PRELID2: variants seen among roughly 807,000 people sequenced by gnomAD.
The protein encoded by PRELID2 is PRELI domain containing 2, also known as PRELI domain-containing protein 2.
In PRELID2, 25 loss-of-function variants were observed where a neutral mutation model predicts 28.4. The observed-to-expected ratio is 0.88, with a 90% confidence interval of 0.64 to 1.23. The LOEUF (loss-of-function observed/expected upper bound fraction) is 1.23. PRELID2 is among the 50% of genes most tolerant of loss of function. The pLI is 0.00. For synonymous variants in PRELID2, 76 were observed against 71.6 expected (o/e 1.06, Z -0.31); for missense variants, 201 against 214.4 (o/e 0.94, Z 0.39).
chr5:145,677,124 T>C (rs1754834284), intron 1 of PRELID2, among the ~76,000 whole-genome samples: 1 of 151,370 alleles, frequency 6.6e-6, no homozygotes. Flanking sequence ...TGAGATTATG[T>C]TTTTTATGTT....
At chr5:145,280,657 T>C in the PRELID2 span, among the ~76,000 whole-genome samples, 1 of 151,640 alleles carries the variant, frequency 6.6e-6, no homozygotes, top group African/African-American at 2.4e-5. Flanking sequence ...ATAATAATAA[T>C]AAAATATAAT....
chr5:145,741,857 TAA>T (rs1756797690), intron 1 of PRELID2, among the ~76,000 whole-genome samples: 1 of 29,664 alleles, frequency 3.4e-5, no homozygotes, highest in African/African-American at 1.0e-4. Flanking sequence ...AACATTTTTA[TAA>T]TTTAATTTAA....
chr5:145,357,622 AT>A, the PRELID2 span, among the ~76,000 whole-genome samples: 1 of 152,212 alleles, frequency 6.6e-6, no homozygotes, highest in Admixed American at 6.5e-5. Context: ...TAAAACAGCC[AT>A]TTCATCTTTT....
chr5:145,310,576 C>T, the PRELID2 span, among the ~76,000 whole-genome samples: 1 of 152,106 alleles, frequency 6.6e-6, no homozygotes, highest in East Asian at 1.9e-4. Context: ...CTCAAACTAC[C>T]TTTTTAGTTC....
the PRELID2 span, among the ~76,000 whole-genome samples, chr5:145,423,259 T>G: frequency 2.0e-5 from 3 of 149,320 alleles, no homozygotes; most frequent in African/African-American, 7.4e-5. Flanking sequence ...GTTCTCTGTA[T>G]TTCCTGAATC....
chr5:145,425,019 T>G, the PRELID2 span, among the ~76,000 whole-genome samples: 1 of 151,728 alleles, frequency 6.6e-6, no homozygotes, highest in Non-Finnish European at 1.5e-5. Context: ...TCTATCCATT[T>G]AACAAAAATC....
intron 1 of PRELID2, among the ~76,000 whole-genome samples, chr5:145,715,904 C>A (rs371736013): frequency 6.6e-6 from 1 of 152,200 alleles, no homozygotes; most frequent in South Asian, 2.1e-4. Flanking sequence ...TGGCAAGTAT[C>A]ATTATCTATT....
At chr5:145,648,434 C>G (rs973394025) in intron 1 of PRELID2, among the ~76,000 whole-genome samples, 1 of 151,606 alleles carries the variant, frequency 6.6e-6, no homozygotes, top group African/African-American at 2.4e-5. Context: ...AATAAAATAA[C>G]AAAACTTTAT....
At chr5:145,832,711 G>A (rs529164160) in intron 1 of PRELID2, among the ~76,000 whole-genome samples, 1 of 152,068 alleles carries the variant, frequency 6.6e-6, no homozygotes, top group African/African-American at 2.4e-5. Flanking sequence ...TACTTCCTGA[G>A]GGTGCTGGCA....
chr5:145,831,354 G>C (rs905022328), intron 1 of PRELID2, among the ~76,000 whole-genome samples: 10 of 152,142 alleles, frequency 6.6e-5, no homozygotes, highest in African/African-American at 2.4e-4. Context: ...TGCATAAATA[G>C]TCTCATTTGC....
intron 1 of PRELID2, among the ~76,000 whole-genome samples, chr5:145,605,353 G>C (rs889960240): frequency 6.6e-6 from 1 of 151,956 alleles, no homozygotes; most frequent in Non-Finnish European, 1.5e-5. Context: ...TTTTGTATAC[G>C]GTGTAAGGAA....
chr5:145,795,342 G>C (rs1224123629), intron 5 of PRELID2: 1 of 152,150 alleles, frequency 6.6e-6, no homozygotes, highest in Non-Finnish European at 1.5e-5. Flanking sequence ...GGTTTAAAGA[G>C]GCTGGACCAG....
rs57352537 is a variant in PRELID2, at chr5:145,832,513, A to G, written c.75+2664T>C. Among the ~76,000 whole-genome samples, 561 of 152,136 alleles carry G rather than the reference A, an allele frequency of 3.7e-3. 5 individuals are homozygous for G. Among genetic ancestry groups the G allele is most frequent in the African/African-American group, 0.013 (551 of 41,502 alleles). ...AAAGTTGATTCTGAAACCCTGTATT[A>G]CCTCAATAATCGTTGAAGTGCCTAT... On this transcript the variant is annotated intron_variant, in intron 1 of 6. Transcript: ENST00000683046.
chr5:145,497,327 G>T (rs1483772436), intron 1 of PRELID2, among the ~76,000 whole-genome samples: 1 of 152,050 alleles, frequency 6.6e-6, no homozygotes. Context: ...AATCCTCATA[G>T]TAGGAAAAAA....
At chr5:145,738,762 T>C (rs1028566367) in intron 1 of PRELID2, among the ~76,000 whole-genome samples, 2 of 152,070 alleles carry the variant, frequency 1.3e-5, no homozygotes, top group African/African-American at 4.8e-5. Flanking sequence ...GCTCTTTGAG[T>C]GAGTACTCAA....
rs577597840 is a variant in PRELID2 at position 145,501,598 on chromosome 5, C to T, written n.71-28283G>A. Among the ~76,000 whole-genome samples the T allele has an allele frequency of 4.3e-4, 65 of 152,298 alleles. 1 individual carries two copies. Among genetic ancestry groups the T allele is most frequent in the Non-Finnish European group, 1.6e-4 (11 of 68,012 alleles). On this transcript the variant is annotated intron_variant and non_coding_transcript_variant, in intron 1 of 2. Transcript: ENST00000510259. ...TTCACTTGGTTCTCATTCTCTCTTGCTGCCTCCAGGTATGAAATATCTTTT... is the reference window on the plus strand; with the variant it reads ...TTCACTTGGTTCTCATTCTCTCTTGTTGCCTCCAGGTATGAAATATCTTTT...
At chr5:145,742,571 C>T (rs1756865321) in intron 1 of PRELID2, among the ~76,000 whole-genome samples, 1 of 145,836 alleles carries the variant, frequency 6.9e-6, no homozygotes, top group South Asian at 2.1e-4. Flanking sequence ...AGAAAACATA[C>T]CATATCATAA....
intron 1 of PRELID2, among the ~76,000 whole-genome samples, chr5:145,592,276 GT>G (rs1753241082): frequency 6.6e-6 from 1 of 152,040 alleles, no homozygotes; most frequent in African/African-American, 2.4e-5. Flanking sequence ...TTAGCTGGGC[GT>G]GGTGGTGGTG....
At chr5:145,751,683 CAAAAG>C (rs1683523150), downstream of PRELID2, among the ~76,000 whole-genome samples, 1 of 152,068 alleles carries the variant, frequency 6.6e-6, no homozygotes. Flanking sequence ...ATTAATGCTC[CAAAAG>C]AAGAGTTTTT....
Sources: allele counts gnomAD v4.1 joint callset (sites outside exome capture counted in the v4.1 genomes callset), GRCh38; gene constraint gnomAD v4.1.1; transcripts MANE v1.5; gene names NCBI Gene and HGNC (gene_info 2026-07-23, HGNC 2026-07-21).